The following EPHA2 variants were observed in gnomAD, a reference collection of about 807,000 sequenced individuals.
EPHA2 encodes EPH receptor A2.
Under a neutral mutation model 104.9 loss-of-function variants are expected in EPHA2, and 54 were observed. The ratio of observed to expected loss-of-function variants is 0.51; its 90% confidence interval spans 0.41 to 0.65. EPHA2 has a LOEUF of 0.65. Ranked by LOEUF, EPHA2 falls within the 30% of genes least tolerant of loss-of-function variation. The pLI, the probability that EPHA2 is intolerant of heterozygous loss-of-function variation, is 0.00. For missense variants in EPHA2, 1,117 were observed against 1,369.5 expected, an observed-to-expected ratio of 0.82 and a Z score of 2.91; for synonymous variants, 560 against 559.1, an observed-to-expected ratio of 1.00 and a Z score of -0.02.
chr1:16,125,257 C>G lies in EPHA2; in HGVS notation c.2889G>C (p.Leu963=), dbSNP rs766281949. ...GHQKRIAYSL[L]GLKDQVNTVG... The stretch of plus-strand genomic sequence containing the variant: ...CAGTGTTCACCTGGTCCTTGAGTCC[C>G]AGCAGGCTGTAGGCGATGCGCTTCT... Residue 963 remains leucine, a synonymous_variant, in exon 17 of 17, where the codon CTG becomes CTC. Transcript: ENST00000358432. The surrounding 1 kb of genome is among the most constrained non-coding windows in gnomAD (Gnocchi z 4.9). 2 of 1,614,000 alleles carry G rather than the reference C, an allele frequency of 1.2e-6. No individual in the cohort carries two copies. Among genetic ancestry groups the G allele is most frequent in the Admixed American group, 3.3e-5 (2 of 60,016 alleles).
rs754639981 is a variant in EPHA2 at position 16,138,095 on chromosome 1, C to T, written c.1070G>A (p.Arg357His). The part of the protein sequence containing the change: ...RWTPPQDSGG[R>H]EDIVYSVTCE... ...GGTGACGCTGTAGACAATGTCCTCG[C>T]GGCCCCCGCTGTCCTGAGGGGGCGT... Residue 357 changes from arginine (R) to histidine (H), a missense_variant, in exon 5 of 17, where the codon CGC becomes CAC. Transcript: ENST00000358432. 6.2e-6 allele frequency: 10 copies of T among 1,610,414 alleles called. No homozygotes were observed. Among genetic ancestry groups the T allele is most frequent in the Admixed American group, 1.7e-5 (1 of 59,986 alleles).
chr1:16,146,197 G>A (rs559776412), intron 3 of EPHA2, among the ~76,000 whole-genome samples: 1 of 152,330 alleles, frequency 6.6e-6, no homozygotes, highest in African/African-American at 2.4e-5. Flanking sequence ...TCCGGCAGTA[G>A]GTGACTAGCG....
intron 16 of EPHA2, among the ~76,000 whole-genome samples, chr1:16,127,605 T>TGGGACCCATGGCGTGTG (rs2124188015): frequency 6.6e-6 from 1 of 152,304 alleles, no homozygotes; most frequent in Non-Finnish European, 1.5e-5. Flanking sequence ...AGTCTCCCGT[T>TGGGACCCATGGCGTGTG]GGGACCCATG....
rs753454907 is a variant in EPHA2 at position 16,131,754 on chromosome 1, G to T, written c.2442C>A (p.Gly814=). 1 of 1,614,066 alleles carries T rather than the reference G, an allele frequency of 6.2e-7. No individual in the cohort carries two copies. The highest frequency in any genetic ancestry group is 8.5e-7 in the Non-Finnish European group (1 of 1,180,020). ...TGGACAACTCCCAGTAGGGCCGCTCGCCATAGGTCATCACCTCCCACATGA... is the reference window on the plus strand; with the variant it reads ...TGGACAACTCCCAGTAGGGCCGCTCTCCATAGGTCATCACCTCCCACATGA... The part of the protein sequence containing the change: ...GIVMWEVMTY[G]ERPYWELSNH... Residue 814 remains glycine, a synonymous_variant, in exon 14 of 17, where the codon GGC becomes GGA. Transcript: ENST00000358432. The surrounding 1 kb of genome is among the most constrained non-coding windows in gnomAD (Gnocchi z 5.2).
chr1:16,124,982 T>C lies in EPHA2; in HGVS notation c.*233A>G. ...AGGGATGCTGGGACGTGGCGGTGCC[T>C]GCTAAGTGCTCAGCTGTGTGCGTCT... On this transcript the variant is annotated 3_prime_UTR_variant, in exon 17 of 17. Coordinates refer to ENST00000358432, the MANE Select transcript of EPHA2 (RefSeq NM_004431.5). The C allele has an allele frequency of 1.8e-6, 1 of 557,288 alleles. No individual in the cohort carries two copies. Among genetic ancestry groups the C allele is most frequent in the Non-Finnish European group, 3.2e-6 (1 of 308,068 alleles). The allele number at this position is 557,288 out of a possible 1,614,324, so 34.5% of individuals were successfully genotyped here. A position where few individuals can be genotyped will look rare whatever the true frequency, so the allele number is the denominator to read the frequency against.
Position 16,138,446 on chromosome 1 carries a change from C to T in EPHA2, c.824-16G>A. 2 of 1,613,310 alleles carry T rather than the reference C, an allele frequency of 1.2e-6. No homozygotes were observed. Among genetic ancestry groups the T allele is most frequent in the Non-Finnish European group, 8.5e-7 (1 of 1,180,022 alleles). On this transcript the variant is annotated splice_polypyrimidine_tract_variant and intron_variant, in intron 3 of 16. Coordinates refer to ENST00000358432, the MANE Select transcript of EPHA2 (RefSeq NM_004431.5). Reference sequence around the variant, plus strand: ...GGCGAGCAGGCTGGTGGACACAGGACAGACAGAGCACAAGGACATCAGTTC... The same window carrying T: ...GGCGAGCAGGCTGGTGGACACAGGATAGACAGAGCACAAGGACATCAGTTC...
rs142009739 is a variant in EPHA2 at position 16,138,000 on chromosome 1, G to A, written c.1165C>T (p.Pro389Ser). 157 of 1,613,930 alleles carry A rather than the reference G, an allele frequency of 9.7e-5. No homozygotes were observed. Among genetic ancestry groups the A allele is most frequent in the Non-Finnish European group, 1.3e-4 (153 of 1,180,040 alleles). ...CEASVRYSEP[P>S]HGLTRTSVTV... Reference sequence around the variant, plus strand: ...ACACTGGTGCGGGTCAGTCCGTGAGGAGGCTCCGAGTAGCGCACACTGGCC... The same window carrying A: ...ACACTGGTGCGGGTCAGTCCGTGAGAAGGCTCCGAGTAGCGCACACTGGCC... Residue 389 changes from proline (P) to serine (S), a missense_variant, in exon 5 of 17, where the codon CCT becomes TCT. Physicochemically the swap from Pro to Ser is moderately conservative, Grantham distance 74. Around this residue, in one of 3 missense-constraint regions of EPHA2, gnomAD observed 664 missense variants for 784.8 expected, o/e 0.85. Coordinates refer to ENST00000358432, the MANE Select transcript of EPHA2 (RefSeq NM_004431.5).
chr1:16,133,329 G>C lies in EPHA2; in HGVS notation c.1904C>G (p.Ser635Cys), dbSNP rs2124205990. 1 of 1,613,812 alleles carries C rather than the reference G, an allele frequency of 6.2e-7. No individual in the cohort carries two copies. The highest frequency in any genetic ancestry group is 1.1e-5 in the South Asian group (1 of 91,086). ...GEVYKGMLKT[S>C]SGKKEVPVAI... ...CACCGGCACCTCCTTCTTCCCCGAG[G>C]ATGTCTTCAGCATGCCCTTGTACAC... The change falls in exon 11 of 17, where the codon TCC becomes TGC. Residue 635 changes from serine (S) to cysteine (C), a missense_variant. Physicochemically the swap from Ser to Cys is moderately radical, Grantham distance 112 (BLOSUM62 -1). Around this residue, in one of 3 missense-constraint regions of EPHA2, gnomAD observed 113 missense variants for 104.3 expected, o/e 1.08. Transcript: ENST00000358432.
chr1:16,138,071 G>A lies in EPHA2; in HGVS notation c.1094C>T (p.Thr365Ile), dbSNP rs1032463577. Residue 365 changes from threonine to isoleucine, a missense_variant, in exon 5 of 17, where the codon ACC becomes ATC. By Grantham distance (89) the Thr-to-Ile change is moderately conservative. Around this residue, in one of 3 missense-constraint regions of EPHA2, gnomAD observed 664 missense variants for 784.8 expected, o/e 0.85. Transcript: ENST00000358432. ...AGACTCGGGCCAGCACTGTTCGCAG[G>A]TGACGCTGTAGACAATGTCCTCGCG... ...GGREDIVYSVTCEQCWPESGE... is the reference protein window; with the variant it reads ...GGREDIVYSVICEQCWPESGE... The A allele has an allele frequency of 5.6e-6, 9 of 1,612,528 alleles. No homozygotes were observed. The highest frequency in any genetic ancestry group is 5.3e-5 in the African/African-American group (4 of 74,958).
intron 3 of EPHA2, among the ~76,000 whole-genome samples, chr1:16,145,015 G>GC (rs2024901825): frequency 6.6e-6 from 1 of 152,168 alleles, no homozygotes; most frequent in Non-Finnish European, 1.5e-5. Flanking sequence ...AAGGGGCTGG[G>GC]CCCCTTGAGG....
chr1:16,135,872 G>C lies in EPHA2; in HGVS notation c.1313-102C>G, dbSNP rs1466022484. On this transcript the variant is annotated intron_variant, in intron 5 of 16. Coordinates refer to ENST00000358432, the MANE Select transcript of EPHA2 (RefSeq NM_004431.5). The surrounding 1 kb of genome is among the most constrained non-coding windows in gnomAD (Gnocchi z 4.3). ...GTGGAGCCACATCCTCCACAGCCCAGATTCTTTCATTTTTTTGAGACAGGA... is the reference window on the plus strand; with the variant it reads ...GTGGAGCCACATCCTCCACAGCCCACATTCTTTCATTTTTTTGAGACAGGA... 1 of 666,070 alleles carries C rather than the reference G, an allele frequency of 1.5e-6. No individual in the cohort carries two copies. The highest frequency in any genetic ancestry group is 2.7e-6 in the Non-Finnish European group (1 of 366,142). 41.3% of individuals were successfully genotyped at this position (666,070 alleles called of 1,614,324 possible). A position where few individuals can be genotyped will look rare whatever the true frequency, so the allele number is the denominator to read the frequency against.
Position 16,134,770 on chromosome 1 carries a change from G to C in EPHA2, c.1583-203C>G, listed in dbSNP as rs965689117. Among the ~76,000 whole-genome samples, 1 of 152,134 alleles carries C rather than the reference G, an allele frequency of 6.6e-6. No homozygotes were observed. Among genetic ancestry groups the C allele is most frequent in the African/African-American group, 2.4e-5 (1 of 41,410 alleles). On this transcript the variant is annotated intron_variant, in intron 7 of 16. Coordinates refer to ENST00000358432, the MANE Select transcript of EPHA2 (RefSeq NM_004431.5). This position sits in a 1 kb window ranked among gnomAD's most constrained non-coding sequence, Gnocchi z 4.5. ...CACGGGAGGTATTGCAGGTATGTGG[G>C]GCTCAAAGCTCTGGCTTTTTCTGAG...
chr1:16,141,936 C>G (rs1422457037), intron 3 of EPHA2, among the ~76,000 whole-genome samples: 2 of 152,218 alleles, frequency 1.3e-5, no homozygotes, highest in Non-Finnish European at 2.9e-5. Context: ...AGGGCCCCGC[C>G]AGAGTTTCCA....
At chr1:16,146,984 C>T (rs1374027951) in intron 3 of EPHA2, among the ~76,000 whole-genome samples, 1 of 152,214 alleles carries the variant, frequency 6.6e-6, no homozygotes, top group Non-Finnish European at 1.5e-5. Context: ...CTTAACGTCC[C>T]GCTTATCTCA....
intron 3 of EPHA2, chr1:16,146,454 C>G (rs2024936549): frequency 6.6e-6 from 1 of 152,414 alleles, no homozygotes; most frequent in African/African-American, 2.4e-5. Context: ...CTGCCCCTCA[C>G]CCCCACCCCC....
chr1:16,133,350 T>C lies in EPHA2; in HGVS notation c.1883A>G (p.Tyr628Cys). ...VIGAGEFGEV[Y>C]KGMLKTSSGK... ...CGAGGATGTCTTCAGCATGCCCTTG[T>C]ACACCTCCCCAAACTCTCCTGTGGG... The change falls in exon 11 of 17, where the codon TAC becomes TGC. Residue 628 changes from tyrosine (Y) to cysteine (C), a missense_variant. Physicochemically the swap from Tyr to Cys is radical, Grantham distance 194. Transcript: ENST00000358432. The C allele has an allele frequency of 6.2e-7, 1 of 1,613,860 alleles. No individual in the cohort carries two copies. Among genetic ancestry groups the C allele is most frequent in the Non-Finnish European group, 8.5e-7 (1 of 1,179,952 alleles).
At chr1:16,142,696 GGGT>G (rs1051064391) in intron 3 of EPHA2, among the ~76,000 whole-genome samples, 1 of 148,876 alleles carries the variant, frequency 6.7e-6, no homozygotes, top group African/African-American at 2.5e-5. Flanking sequence ...ATGGGTGGGT[GGGT>G]GGAGTGGTGG....
chr1:16,130,458 G>T lies in EPHA2; in HGVS notation c.2476-39C>A. 6.6e-7 allele frequency: 1 copy of T among 1,521,512 alleles called. No individual in the cohort carries two copies. The highest frequency in any genetic ancestry group is 1.3e-5 in the South Asian group (1 of 75,892). 94.3% of individuals were successfully genotyped at this position (1,521,512 alleles called of 1,614,324 possible). ...AAGGTCAGGGGCGCTGTTGCAGAAAGCCACTGAAACCCTCTGCAGCCTCCA... is the reference window on the plus strand; with the variant it reads ...AAGGTCAGGGGCGCTGTTGCAGAAATCCACTGAAACCCTCTGCAGCCTCCA... On this transcript the variant is annotated intron_variant, in intron 14 of 16. Transcript: ENST00000358432. The surrounding 1 kb of genome is among the most constrained non-coding windows in gnomAD (Gnocchi z 4.5).
At position 16,138,047 on chromosome 1, in the gene EPHA2, G is replaced by C. The variant is rs758978165; in HGVS notation, c.1118C>G (p.Ser373Cys). Residue 373 changes from serine (S) to cysteine (C), a missense_variant, in exon 5 of 17, where the codon TCT becomes TGT. Ser to Cys is a moderately radical substitution (Grantham distance 112). Transcript: ENST00000358432. ...SVTCEQCWPE[S>C]GECGPCEASV... ...GGCCTCACACGGCCCGCATTCCCCA[G>C]ACTCGGGCCAGCACTGTTCGCAGGT... is the stretch of plus-strand genomic sequence containing the variant. 3 of 1,613,196 alleles carry C rather than the reference G, an allele frequency of 1.9e-6. No homozygotes were observed. Among genetic ancestry groups the C allele is most frequent in the African/African-American group, 2.7e-5 (2 of 74,952 alleles).
Sources: allele counts gnomAD v4.1 joint callset (sites outside exome capture counted in the v4.1 genomes callset), GRCh38; gene constraint gnomAD v4.1.1; regional missense constraint gnomAD v4.1.1; non-coding constraint Gnocchi (gnomAD v3.1); transcripts MANE v1.5; gene names NCBI Gene and HGNC (gene_info 2026-07-23, HGNC 2026-07-21).